Variants in CDK6 observed in about 807,000 individuals in gnomAD.
CDK6 encodes the protein cyclin dependent kinase 6.
Under a neutral mutation model 37.1 loss-of-function variants are expected in CDK6, and 6 were observed. That is an observed-to-expected ratio of 0.16 (90% CI 0.09 to 0.32). The LOEUF (loss-of-function observed/expected upper bound fraction) is 0.32. CDK6 is among the 10% of genes least tolerant of loss of function. CDK6 has a pLI of 1.00. For synonymous variants in CDK6, 160 were observed against 161.3 expected (o/e 0.99, Z 0.06); for missense variants, 224 against 418.9 (o/e 0.53, Z 4.06).
chr7:92,641,357 G>A (rs564453705), intron 5 of CDK6, among the ~76,000 whole-genome samples: 2 of 152,126 alleles, frequency 1.3e-5, no homozygotes, highest in South Asian at 4.1e-4. Flanking sequence ...ATATCAGCAT[G>A]GACTCATGGA....
chr7:92,666,351 G>A (rs1310608649), intron 5 of CDK6, among the ~76,000 whole-genome samples: 1 of 152,182 alleles, frequency 6.6e-6, no homozygotes, highest in Non-Finnish European at 1.5e-5. Flanking sequence ...CCCTCTAGAA[G>A]TGGGCCTGGC....
chr7:92,662,841 G>A (rs1796869035), intron 5 of CDK6, among the ~76,000 whole-genome samples: 1 of 152,202 alleles, frequency 6.6e-6, no homozygotes, highest in African/African-American at 2.4e-5. Flanking sequence ...GAAGTTGGGA[G>A]GCTTTGGCGG....
intron 5 of CDK6, among the ~76,000 whole-genome samples, chr7:92,655,009 A>AT (rs11288006): frequency 0.028 from 3,794 of 134,078 alleles, 84 homozygotes; most frequent in East Asian, 0.1. Context: ...TGCCTGGATC[A>AT]TTTTTTTTTT....
chr7:92,670,618 A>G (rs953408587), intron 5 of CDK6, among the ~76,000 whole-genome samples: 2 of 152,212 alleles, frequency 1.3e-5, no homozygotes, highest in Admixed American at 6.5e-5. Flanking sequence ...TTATTATATT[A>G]TTTGGCTATT....
chr7:92,719,509 G>C (rs1247012842), intron 4 of CDK6, among the ~76,000 whole-genome samples: 2 of 152,046 alleles, frequency 1.3e-5, no homozygotes, highest in Non-Finnish European at 2.9e-5. Flanking sequence ...TCTTTTATTA[G>C]TGAAGGTAAT....
chr7:92,645,861 C>T (rs1211569495), intron 5 of CDK6, among the ~76,000 whole-genome samples: 4 of 152,194 alleles, frequency 2.6e-5, no homozygotes, highest in East Asian at 1.9e-4. Flanking sequence ...CATCTTTTGG[C>T]GGCTCACACC....
chr7:92,791,139 T>C (rs143417689), intron 2 of CDK6, among the ~76,000 whole-genome samples: 16 of 151,948 alleles, frequency 1.1e-4, no homozygotes, highest in African/African-American at 3.6e-4. Context: ...ATTTAGGAGG[T>C]TGAGTTGGCA....
At position 92,607,638 on chromosome 7, in the gene CDK6, T is replaced by G. The variant is rs1252682395; in HGVS notation, c.*7502A>C. 4 of 232,900 alleles carry G rather than the reference T, an allele frequency of 1.7e-5. No individual in the cohort carries two copies. The highest frequency in any genetic ancestry group is 8.8e-5 in the African/African-American group (4 of 45,462). The allele number at this position is 232,900 out of a possible 1,614,324, so 14.4% of individuals were successfully genotyped here. ...AACACTTTCTGCCTTCAGTTGTACT[T>G]TCACAGGACTAGTGTGATTCAGAAA... is the stretch of plus-strand genomic sequence containing the variant. On this transcript the variant is annotated 3_prime_UTR_variant, in exon 8 of 8. Coordinates refer to ENST00000424848, the MANE Select transcript of CDK6 (RefSeq NM_001145306.2).
intron 6 of CDK6, among the ~76,000 whole-genome samples, chr7:92,619,852 T>C (rs1261900103): frequency 6.6e-6 from 1 of 152,026 alleles, no homozygotes; most frequent in Non-Finnish European, 1.5e-5. Context: ...TATATAGATT[T>C]GTTCAATAGT....
intron 4 of CDK6, among the ~76,000 whole-genome samples, chr7:92,696,219 G>A (rs1562938730): frequency 6.6e-6 from 1 of 152,218 alleles, no homozygotes; most frequent in Non-Finnish European, 1.5e-5. Flanking sequence ...GAGGCTACAA[G>A]AGTGGGCTTC....
intron 4 of CDK6, among the ~76,000 whole-genome samples, chr7:92,716,299 T>C (rs1046447548): frequency 6.6e-6 from 1 of 152,206 alleles, no homozygotes; most frequent in African/African-American, 2.4e-5. Context: ...GCTTATGTTA[T>C]GTGCTTACCA....
At chr7:92,815,890 A>G (rs1420727564) in intron 2 of CDK6, among the ~76,000 whole-genome samples, 1 of 152,202 alleles carries the variant, frequency 6.6e-6, no homozygotes, top group Non-Finnish European at 1.5e-5. Flanking sequence ...CAGAGCTCAC[A>G]GAGGGCAGAA....
intron 5 of CDK6, chr7:92,671,210 G>A (rs1797064775): frequency 5.5e-6 from 2 of 363,510 alleles, no homozygotes; most frequent in Non-Finnish European, 9.8e-6. Context: ...TCCTTCCCAG[G>A]CAGAGTTTCC....
At chr7:92,759,498 A>G (rs1297404341) in intron 3 of CDK6, among the ~76,000 whole-genome samples, 1 of 152,090 alleles carries the variant, frequency 6.6e-6, no homozygotes, top group East Asian at 1.9e-4. Context: ...GGTCTGGGAT[A>G]AAAGTTATTT....
intron 3 of CDK6, among the ~76,000 whole-genome samples, chr7:92,747,934 T>G (rs1474635563): frequency 1.3e-5 from 2 of 152,178 alleles, no homozygotes; most frequent in Non-Finnish European, 1.5e-5. Context: ...TTTAAATACA[T>G]CAAATATTAG....
intron 3 of CDK6, among the ~76,000 whole-genome samples, chr7:92,726,772 G>T (rs916778653): frequency 1.3e-5 from 2 of 152,108 alleles, no homozygotes; most frequent in Non-Finnish European, 2.9e-5. Flanking sequence ...GGAAAACCTC[G>T]ATTCAAATCT....
chr7:92,770,051 T>A (rs772825727), intron 3 of CDK6, among the ~76,000 whole-genome samples: 9 of 152,144 alleles, frequency 5.9e-5, no homozygotes, highest in Non-Finnish European at 1.0e-4. Flanking sequence ...AATAAAAATT[T>A]AATAAAGATG....
Position 92,613,671 on chromosome 7 carries a change from A to T in CDK6, c.*1469T>A, listed in dbSNP as rs1342184239. ...TTTGATAGAGTAAATGTATGGCCCT[A>T]AAACATAGCTAAAGACATACCCTCA... On this transcript the variant is annotated 3_prime_UTR_variant, in exon 8 of 8. Coordinates refer to ENST00000424848, the MANE Select transcript of CDK6 (RefSeq NM_001145306.2). 4.3e-6 allele frequency: 1 copy of T among 233,126 alleles called. No individual in the cohort carries two copies. The highest frequency in any genetic ancestry group is 2.2e-5 in the African/African-American group (1 of 45,362). 14.4% of individuals were successfully genotyped at this position (233,126 alleles called of 1,614,324 possible).
At chr7:92,622,898 C>A in intron 6 of CDK6, 138 bp downstream of exon 6, 1 of 613,750 alleles carries the variant, frequency 1.6e-6, no homozygotes, top group South Asian at 2.1e-5. Context: ...ACTCACCACA[C>A]AAATAGTAAC....
Sources: gnomAD v4.1 joint callset for allele counts (sites outside exome capture counted in the v4.1 genomes callset) on GRCh38, gnomAD v4.1.1 for gene constraint, MANE v1.5 for transcripts, NCBI Gene and HGNC (gene_info 2026-07-23, HGNC 2026-07-21) for gene names.